The following KRAS variants were observed in gnomAD, a reference collection of about 807,000 sequenced individuals.
KRAS encodes the protein GTPase KRas.
A neutral mutation model predicts 21.0 loss-of-function variants in KRAS; 1 was observed. The ratio of observed to expected loss-of-function variants is 0.05; its 90% CI spans 0.02 to 0.23. The LOEUF (loss-of-function observed/expected upper bound fraction) is 0.23. KRAS is among the 10% of genes least tolerant of loss of function. The pLI is 1.00. For missense variants in KRAS, 107 were observed against 221.8 expected, an observed-to-expected ratio of 0.48 and a Z score of 3.29; for synonymous variants, 67 against 72.5, an observed-to-expected ratio of 0.92 and a Z score of 0.39.
chr12:25,239,138 T>C (rs1167396991), intron 2 of KRAS, among the ~76,000 whole-genome samples: 1 of 152,236 alleles, frequency 6.6e-6, no homozygotes, highest in East Asian at 1.9e-4. Context: ...AGTAAGTGTC[T>C]TTTTATATGT....
chr12:25,220,208 G>C (rs61762425), intron 4 of KRAS, among the ~76,000 whole-genome samples: 3,102 of 152,276 alleles, frequency 0.02, 88 homozygotes, highest in African/African-American at 0.071. Context: ...AAGGGACCAG[G>C]AAAATCTGTC....
At chr12:25,219,718 G>C (rs539291247) in intron 4 of KRAS, among the ~76,000 whole-genome samples, 1 of 152,238 alleles carries the variant, frequency 6.6e-6, no homozygotes, top group South Asian at 2.1e-4. Context: ...ATGTACTATT[G>C]AAATGCAGAA....
Position 25,243,800 on chromosome 12 carries a change from G to C in KRAS, c.111+1474C>G, listed in dbSNP as rs374788928. On this transcript the variant is annotated intron_variant, in intron 2 of 4. Transcript: ENST00000311936. ...ATTTGCAATACAGATTAAAATGGGT[G>C]CACTATTCAAACCTCTTCAAAGAAA... Among the ~76,000 whole-genome samples the C allele has an allele frequency of 5.9e-5, 9 of 152,168 alleles. No homozygotes were observed. The East Asian group carries it at 1.7e-3, about 29-fold the overall frequency.
chr12:25,220,632 C>T (rs1951308365), intron 4 of KRAS, among the ~76,000 whole-genome samples: 1 of 151,258 alleles, frequency 6.6e-6, no homozygotes, highest in Non-Finnish European at 1.5e-5. Flanking sequence ...GAGGCTGAGG[C>T]AGGAAAATCG....
intron 3 of KRAS, 70 bp downstream of exon 3, chr12:25,227,164 G>A (rs1200297337): frequency 1.8e-6 from 2 of 1,140,542 alleles, no homozygotes; most frequent in Non-Finnish European, 2.6e-6. Context: ...CATGGCATTA[G>A]CAAAGACTCA....
chr12:25,248,615 A>C (rs1177493386), intron 1 of KRAS, among the ~76,000 whole-genome samples: 1 of 151,944 alleles, frequency 6.6e-6, no homozygotes, highest in Non-Finnish European at 1.5e-5. Flanking sequence ...CAGAAAAAAA[A>C]AAAATTCCTT....
At chr12:25,220,606 A>G (rs946094331) in intron 4 of KRAS, among the ~76,000 whole-genome samples, 3 of 152,030 alleles carry the variant, frequency 2.0e-5, no homozygotes, top group Non-Finnish European at 4.4e-5. Flanking sequence ...GTGCACCCAT[A>G]GTCCCAGCTA....
intron 2 of KRAS, among the ~76,000 whole-genome samples, chr12:25,236,664 G>A (rs1209736838): frequency 1.3e-5 from 2 of 152,032 alleles, no homozygotes; most frequent in Non-Finnish European, 2.9e-5. Flanking sequence ...GGGAGGGAGA[G>A]AGGGGAGCAG....
rs1382806386 is a variant in KRAS, at chr12:25,206,095, G to GA, written c.*3699dup. ...TAAAAAAAGTTATATACTGTTTGAA[G>GA]AAAAAATGTTTAGAAGAAAAAAAAA... On this transcript the variant is annotated 3_prime_UTR_variant, in exon 5 of 5. Transcript: ENST00000311936. 5.2e-5 allele frequency: 11 copies of GA among 209,830 alleles called. No homozygotes were observed. Among genetic ancestry groups the GA allele is most frequent in the African/African-American group, 2.1e-4 (9 of 42,342 alleles). 13.0% of individuals were successfully genotyped at this position (209,830 alleles called of 1,614,324 possible).
At position 25,209,619 on chromosome 12, in the gene KRAS, G is replaced by A. The variant is rs886049197; in HGVS notation, c.*176C>T. On this transcript the variant is annotated 3_prime_UTR_variant, in exon 5 of 5. Transcript: ENST00000311936. ...AAAACTCTGGGAATACTGGCACTTA[G>A]AGGAAAAAAAAACTTCCACTGTCAT... The A allele has an allele frequency of 7.1e-5, 95 of 1,346,688 alleles. No homozygotes were observed. The highest frequency in any genetic ancestry group is 2.8e-4 in the Middle Eastern group (1 of 3,594). 83.4% of individuals were successfully genotyped at this position (1,346,688 alleles called of 1,614,324 possible).
Position 25,209,486 on chromosome 12 carries a change from C to A in KRAS, c.*309G>T. ...TTAATTTGTTTCACACCAACATTCA[C>A]AATTGGTAAGAAAAATAAGAAGTAA... On this transcript the variant is annotated 3_prime_UTR_variant, in exon 5 of 5. Coordinates refer to ENST00000311936, the MANE Select transcript of KRAS (RefSeq NM_004985.5). The A allele has an allele frequency of 7.8e-7, 1 of 1,281,208 alleles. No individual in the cohort carries two copies. Among genetic ancestry groups the A allele is most frequent in the South Asian group, 2.5e-5 (1 of 40,210 alleles). 79.4% of individuals were successfully genotyped at this position (1,281,208 alleles called of 1,614,324 possible). A position where few individuals can be genotyped will look rare whatever the true frequency, so the allele number is the denominator to read the frequency against.
chr12:25,244,537 C>T (rs1951651755), intron 2 of KRAS, among the ~76,000 whole-genome samples: 2 of 152,070 alleles, frequency 1.3e-5, no homozygotes, highest in African/African-American at 4.8e-5. Context: ...GATGGAAGTT[C>T]TACTCCATGA....
At chr12:25,227,110 T>TAC in intron 3 of KRAS, 124 bp downstream of exon 3, 1 of 627,154 alleles carries the variant, frequency 1.6e-6, no homozygotes, top group East Asian at 3.0e-5. Flanking sequence ...GGATATTACC[T>TAC]ACCTCATAAA....
chr12:25,227,563 T>C (rs146150497), intron 2 of KRAS, 151 bp from the exon 3 acceptor site: 2 of 658,562 alleles, frequency 3.0e-6, no homozygotes, highest in African/African-American at 3.6e-5. Flanking sequence ...GACGGACAAA[T>C]GGCCACTAAG....
intron 4 of KRAS, chr12:25,211,100 G>A (rs1951196526): frequency 6.6e-6 from 1 of 152,094 alleles, no homozygotes; most frequent in Admixed American, 6.5e-5. Flanking sequence ...AGCAGAGGGA[G>A]TCTTAGAAAC....
rs1443538480 is a variant in KRAS at position 25,208,227 on chromosome 12, G to C, written c.*1568C>G. The stretch of plus-strand genomic sequence containing the variant: ...TTTAACATGAAGAAATGGATAGTAA[G>C]TGATGTCCTCAAAATCAGAGTCCTA... On this transcript the variant is annotated 3_prime_UTR_variant, in exon 5 of 5. Transcript: ENST00000311936. The C allele has an allele frequency of 8.6e-6, 2 of 232,568 alleles. No individual in the cohort carries two copies. The highest frequency in any genetic ancestry group is 1.1e-4 in the Admixed American group (2 of 17,724). 14.4% of individuals were successfully genotyped at this position (232,568 alleles called of 1,614,324 possible).
At chr12:25,229,940 T>C (rs919732173) in intron 2 of KRAS, among the ~76,000 whole-genome samples, 10 of 152,002 alleles carry the variant, frequency 6.6e-5, no homozygotes, top group African/African-American at 1.9e-4. Flanking sequence ...GGCTAATTTT[T>C]GTACTGTTTT....
chr12:25,225,836 C>T (rs2141506800), intron 3 of KRAS, 63 bp from the exon 4 acceptor site: 1 of 1,488,174 alleles, frequency 6.7e-7, no homozygotes, highest in African/African-American at 1.4e-5. Flanking sequence ...CAAAACCTGT[C>T]CACAACTTTT....
At chr12:25,249,854 T>C (rs985066254) in intron 1 of KRAS, among the ~76,000 whole-genome samples, 1 of 152,192 alleles carries the variant, frequency 6.6e-6, no homozygotes, top group African/African-American at 2.4e-5. Context: ...TATTGCTGTC[T>C]ACACTCAACT....
Sources: allele counts gnomAD v4.1 joint callset (sites outside exome capture counted in the v4.1 genomes callset), GRCh38; gene constraint gnomAD v4.1.1; transcripts MANE v1.5; gene names NCBI Gene and HGNC (gene_info 2026-07-23, HGNC 2026-07-21).